The following ULK4 variants were observed in gnomAD, a reference collection of about 807,000 sequenced individuals.
The protein encoded by ULK4 is unc-51 like kinase 4.
Under a neutral mutation model 160.6 loss-of-function variants are expected in ULK4, and 133 were observed. The observed-to-expected ratio is 0.83, with a 90% CI of 0.72 to 0.96. The LOEUF (loss-of-function observed/expected upper bound fraction) is 0.96. ULK4 is among the 40% of genes least tolerant of loss of function. The probability of loss-of-function intolerance (pLI) is 0.00; values close to 1 mark genes in which losing one functional copy is unlikely to be tolerated. For synonymous variants in ULK4, 534 were observed against 539.8 expected (o/e 0.99, Z 0.15); for missense variants, 1,580 against 1,499.5 (o/e 1.05, Z -0.89).
chr3:41,365,645 A>G (rs917673295), intron 35 of ULK4, among the ~76,000 whole-genome samples: 1 of 152,208 alleles, frequency 6.6e-6, no homozygotes, highest in African/African-American at 2.4e-5. Flanking sequence ...ACTGAGACTC[A>G]GTGAAGATAG....
chr3:41,883,611 T>C (rs1188533677), intron 17 of ULK4, among the ~76,000 whole-genome samples: 1 of 152,230 alleles, frequency 6.6e-6, no homozygotes, highest in Non-Finnish European at 1.5e-5. Flanking sequence ...GAAAAAAGCC[T>C]TATTCAAAAA....
intron 32 of ULK4, among the ~76,000 whole-genome samples, chr3:41,518,451 A>G (rs193256347): frequency 9.2e-5 from 14 of 152,346 alleles, no homozygotes; most frequent in South Asian, 4.1e-4. Flanking sequence ...AAGTCAAAGC[A>G]ATGGACCACA....
At chr3:41,315,038 T>C (rs1221468664) in intron 35 of ULK4, among the ~76,000 whole-genome samples, 4 of 152,126 alleles carry the variant, frequency 2.6e-5, no homozygotes, top group Admixed American at 2.0e-4. Context: ...AAAATAACAA[T>C]AAAACCATGC....
intron 35 of ULK4, among the ~76,000 whole-genome samples, chr3:41,282,906 C>CA (rs2079387021): frequency 1.3e-5 from 2 of 151,900 alleles, no homozygotes; most frequent in South Asian, 4.2e-4. Context: ...ACCTATCTGA[C>CA]AAAGGGCTAA....
At chr3:41,519,766 T>G (rs1400995264) in intron 32 of ULK4, among the ~76,000 whole-genome samples, 4 of 152,254 alleles carry the variant, frequency 2.6e-5, no homozygotes, top group African/African-American at 9.6e-5. Context: ...GAGGAACTTT[T>G]CAGGGTCTTC....
chr3:41,850,146 A>G (rs112712070), intron 17 of ULK4, among the ~76,000 whole-genome samples: 3,871 of 152,174 alleles, frequency 0.025, 60 homozygotes, highest in South Asian at 0.066. Context: ...TGAACTCATC[A>G]CTTTTTATGG....
At chr3:41,880,549 GC>G (rs1282052912) in intron 17 of ULK4, among the ~76,000 whole-genome samples, 2 of 152,048 alleles carry the variant, frequency 1.3e-5, no homozygotes, top group Non-Finnish European at 2.9e-5. Flanking sequence ...AGCATTAACT[GC>G]CTAAAATACA....
intron 31 of ULK4, among the ~76,000 whole-genome samples, chr3:41,611,608 T>C (rs1414203673): frequency 6.6e-6 from 1 of 152,122 alleles, no homozygotes; most frequent in Non-Finnish European, 1.5e-5. Context: ...ACCCTTTCAA[T>C]CTTCTAGTGA....
intron 21 of ULK4, among the ~76,000 whole-genome samples, chr3:41,775,014 T>A (rs1047333239): frequency 2.2e-5 from 3 of 139,016 alleles, no homozygotes; most frequent in African/African-American, 8.6e-5. Flanking sequence ...TAGGTGGGAA[T>A]TGAACAATGG....
At chr3:41,470,153 A>G (rs963894646) in intron 32 of ULK4, among the ~76,000 whole-genome samples, 1 of 152,070 alleles carries the variant, frequency 6.6e-6, no homozygotes, top group Non-Finnish European at 1.5e-5. Context: ...AAGTAAACCA[A>G]AAGAAGAGTT....
At chr3:41,698,928 A>T (rs550728345) in intron 27 of ULK4, among the ~76,000 whole-genome samples, 5 of 152,220 alleles carry the variant, frequency 3.3e-5, no homozygotes, top group African/African-American at 1.2e-4. Context: ...TCAACATTAA[A>T]TTTTTAAGAT....
chr3:41,504,089 A>G (rs2085299997), intron 32 of ULK4, among the ~76,000 whole-genome samples: 1 of 152,200 alleles, frequency 6.6e-6, no homozygotes, highest in Non-Finnish European at 1.5e-5. Flanking sequence ...AGACTGGAGT[A>G]TTTAGTTGGT....
chr3:41,345,986 C>T (rs990753501), intron 35 of ULK4, among the ~76,000 whole-genome samples: 1 of 151,506 alleles, frequency 6.6e-6, no homozygotes, highest in African/African-American at 2.4e-5. Context: ...GGGAAGAGCC[C>T]AAAGGTACAG....
At chr3:41,911,431 TC>T in intron 10 of ULK4, 45 bp from the exon 11 acceptor site, 1 of 1,605,618 alleles carries the variant, frequency 6.2e-7, no homozygotes. Context: ...AACAAAAATA[TC>T]ATATGCAAGG....
chr3:41,773,573 G>A (rs2039486850), intron 21 of ULK4, among the ~76,000 whole-genome samples: 1 of 152,074 alleles, frequency 6.6e-6, no homozygotes, highest in Non-Finnish European at 1.5e-5. Flanking sequence ...AATTAAAGAG[G>A]ATACAAACAA....
intron 31 of ULK4, among the ~76,000 whole-genome samples, chr3:41,578,599 G>A (rs2029906592): frequency 6.6e-6 from 1 of 152,092 alleles, no homozygotes; most frequent in Non-Finnish European, 1.5e-5. Context: ...AGAAACTCTA[G>A]ATATAAGCAT....
chr3:41,752,735 A>G (rs2038673811), intron 22 of ULK4, among the ~76,000 whole-genome samples: 1 of 152,250 alleles, frequency 6.6e-6, no homozygotes, highest in South Asian at 2.1e-4. Flanking sequence ...AAATCACATT[A>G]AAAATCAGCA....
chr3:41,647,892 G>A (rs1242278039), intron 30 of ULK4, among the ~76,000 whole-genome samples: 2 of 152,238 alleles, frequency 1.3e-5, no homozygotes, highest in African/African-American at 2.4e-5. Context: ...ACGCAAGCCT[G>A]AGCAATGGCG....
At chr3:41,831,532 T>TATAGAGAGATATATA (rs577123829) in intron 18 of ULK4, among the ~76,000 whole-genome samples, 1 of 125,894 alleles carries the variant, frequency 7.9e-6, no homozygotes, top group African/African-American at 4.5e-5. Flanking sequence ...TATATATATA[T>TATAGAGAGATATATA]TTTTTTTTCT....
Sources: allele counts gnomAD v4.1 joint callset (sites outside exome capture counted in the v4.1 genomes callset), GRCh38; gene constraint gnomAD v4.1.1; transcripts MANE v1.5; gene names NCBI Gene and HGNC (gene_info 2026-07-23, HGNC 2026-07-21).